LRFN5: variants seen among roughly 807,000 people sequenced by gnomAD.
The protein encoded by LRFN5 is leucine rich repeat and fibronectin type III domain containing 5.
A neutral mutation model predicts 45.6 loss-of-function variants in LRFN5; 24 were observed. The ratio of observed to expected loss-of-function variants is 0.53; its 90% CI spans 0.38 to 0.74. LRFN5 has a LOEUF of 0.74. Ranked by LOEUF, LRFN5 falls within the 30% of genes least tolerant of loss-of-function variation. The probability of loss-of-function intolerance (pLI) is 0.00; values close to 1 mark genes in which losing one functional copy is unlikely to be tolerated. For missense variants in LRFN5, 776 were observed against 861.5 expected, an observed-to-expected ratio of 0.90 and a Z score of 1.24; for synonymous variants, 340 against 313.8, an observed-to-expected ratio of 1.08 and a Z score of -0.88.
At position 41,887,069 on chromosome 14, in the gene LRFN5, C is replaced by T. The variant is rs766394946; in HGVS notation, c.444C>T (p.Ala148=). Residue 148 remains alanine (A), a synonymous_variant, in exon 3 of 6, where the codon GCC becomes GCT. Transcript: ENST00000298119. This position sits in a 1 kb window ranked among gnomAD's most constrained non-coding sequence, Gnocchi z 4.8. ...ISSTAFDDVF[A]LEELDLSYNN... is the part of the protein sequence containing the mutation. Reference sequence around the variant, plus strand: ...CTACAGCGTTTGATGATGTCTTCGCCCTTGAGGAGCTGGATCTGTCCTATA... The same window carrying T: ...CTACAGCGTTTGATGATGTCTTCGCTCTTGAGGAGCTGGATCTGTCCTATA... 2 of 1,613,996 alleles carry T rather than the reference C, an allele frequency of 1.2e-6. No individual in the cohort carries two copies. Among genetic ancestry groups the T allele is most frequent in the Admixed American group, 1.7e-5 (1 of 60,002 alleles).
intron 1 of LRFN5, among the ~76,000 whole-genome samples, chr14:41,619,042 G>T (rs1888021942): frequency 2.4e-4 from 1 of 4,138 alleles, no homozygotes; most frequent in Non-Finnish European, 4.2e-4. Flanking sequence ...TTCCTCTTGT[G>T]CTAGGAGTAA....
intron 1 of LRFN5, among the ~76,000 whole-genome samples, chr14:41,761,039 G>T (rs1424417114): frequency 6.6e-6 from 1 of 152,072 alleles, no homozygotes; most frequent in Non-Finnish European, 1.5e-5. Flanking sequence ...CAAAAATCAG[G>T]TCAAACAAAC....
At chr14:41,823,421 T>TA (rs1888191830) in intron 2 of LRFN5, among the ~76,000 whole-genome samples, 1 of 150,642 alleles carries the variant, frequency 6.6e-6, no homozygotes, top group Admixed American at 6.6e-5. Context: ...AATTCTTGGC[T>TA]TATCTATATC....
intron 1 of LRFN5, among the ~76,000 whole-genome samples, chr14:41,670,908 TTC>T (rs1361544867): frequency 2.0e-5 from 3 of 152,080 alleles, no homozygotes; most frequent in Non-Finnish European, 4.4e-5. Context: ...TTTTAAAAGC[TTC>T]TGTTTTATTA....
chr14:41,865,392 T>C (rs1210698837), intron 2 of LRFN5, among the ~76,000 whole-genome samples: 1 of 152,202 alleles, frequency 6.6e-6, no homozygotes, highest in African/African-American at 2.4e-5. Context: ...GTATTGCGTA[T>C]ATCAGTACTG....
intron 2 of LRFN5, among the ~76,000 whole-genome samples, chr14:41,772,068 G>T (rs1886110513): frequency 6.6e-6 from 1 of 152,182 alleles, no homozygotes; most frequent in Non-Finnish European, 1.5e-5. Flanking sequence ...ATGGCAGAAG[G>T]CAAAGCAGTA....
intron 1 of LRFN5, among the ~76,000 whole-genome samples, chr14:41,735,029 C>A (rs909353873): frequency 6.6e-6 from 1 of 151,952 alleles, no homozygotes; most frequent in Non-Finnish European, 1.5e-5. Context: ...ATAGTTCTTT[C>A]TTTAAACCAT....
At chr14:41,706,070 C>T (rs1163110704) in intron 1 of LRFN5, among the ~76,000 whole-genome samples, 2 of 152,054 alleles carry the variant, frequency 1.3e-5, no homozygotes, top group Non-Finnish European at 2.9e-5. Flanking sequence ...TTTACTACTA[C>T]AAACATGCTA....
At chr14:41,843,491 G>T (rs12432265) in intron 2 of LRFN5, among the ~76,000 whole-genome samples, 23,494 of 151,638 alleles carry the variant, frequency 0.15, 2,009 homozygotes, top group Non-Finnish European at 0.19. Flanking sequence ...TCATATCTTT[G>T]CCTACCCCTC....
chr14:41,720,763 A>AT (rs1423685165), intron 1 of LRFN5, among the ~76,000 whole-genome samples: 3 of 151,844 alleles, frequency 2.0e-5, no homozygotes, highest in South Asian at 2.1e-4. Flanking sequence ...TGTCATTTTG[A>AT]TTTTTTTTAA....
At position 41,887,980 on chromosome 14, in the gene LRFN5, A is replaced by G. The variant is rs751715373; in HGVS notation, c.1355A>G (p.Asn452Ser). Residue 452 changes from asparagine to serine, a missense_variant, in exon 3 of 6, where the codon AAT becomes AGT. By Grantham distance (46) the Asn-to-Ser change is conservative. This residue lies in a region of LRFN5 where 465 missense variants were observed against 456.4 expected (regional missense o/e 1.02). Coordinates refer to ENST00000298119, the MANE Select transcript of LRFN5 (RefSeq NM_152447.5). The surrounding 1 kb of genome is among the most constrained non-coding windows in gnomAD (Gnocchi z 4.8). ...PGIRMFQIQY[N>S]GTYDDTLVYR... ...ATACGTATGTTTCAAATCCAGTACA[A>G]TGGTACTTATGATGACACCCTTGTT... is the stretch of plus-strand genomic sequence containing the variant. 1 of 1,607,452 alleles carries G rather than the reference A, an allele frequency of 6.2e-7. No homozygotes were observed. Among genetic ancestry groups the G allele is most frequent in the Non-Finnish European group, 8.5e-7 (1 of 1,176,734 alleles).
intron 2 of LRFN5, among the ~76,000 whole-genome samples, chr14:41,784,605 A>G (rs1198430242): frequency 1.5e-5 from 2 of 137,730 alleles, no homozygotes; most frequent in Admixed American, 7.6e-5. Flanking sequence ...GTGTATTTTG[A>G]AGCCTGTGTG....
At chr14:41,771,101 G>A (rs190595608) in intron 2 of LRFN5, among the ~76,000 whole-genome samples, 9 of 151,834 alleles carry the variant, frequency 5.9e-5, no homozygotes, top group African/African-American at 1.7e-4. Flanking sequence ...TACATAGCTG[G>A]AGCAGCAAGT....
chr14:41,728,653 A>G (rs970567467), intron 1 of LRFN5, among the ~76,000 whole-genome samples: 2 of 152,162 alleles, frequency 1.3e-5, no homozygotes. Context: ...ATTCTTTATC[A>G]TTAAGAGAAT....
At chr14:41,713,254 A>G (rs1451686934) in intron 1 of LRFN5, among the ~76,000 whole-genome samples, 1 of 152,120 alleles carries the variant, frequency 6.6e-6, no homozygotes, top group African/African-American at 2.4e-5. Flanking sequence ...AGTAATTTCA[A>G]AGTAAATAAT....
chr14:41,649,627 T>G (rs938626270), intron 1 of LRFN5, among the ~76,000 whole-genome samples: 3 of 152,148 alleles, frequency 2.0e-5, no homozygotes, highest in Non-Finnish European at 4.4e-5. Flanking sequence ...ATCCTCAATA[T>G]CTGATCATCT....
intron 1 of LRFN5, among the ~76,000 whole-genome samples, chr14:41,648,997 G>A (rs139492191): frequency 3.3e-5 from 5 of 152,014 alleles, no homozygotes; most frequent in Admixed American, 6.6e-5. Flanking sequence ...GGCTGGGCGC[G>A]CTGGCTTGCG....
At chr14:41,820,934 A>C (rs1888092045) in intron 2 of LRFN5, among the ~76,000 whole-genome samples, 1 of 152,028 alleles carries the variant, frequency 6.6e-6, no homozygotes, top group Admixed American at 6.6e-5. Flanking sequence ...TGGTGTATAG[A>C]CATGCTACTG....
At chr14:41,614,568 G>A (rs1887869249) in intron 1 of LRFN5, among the ~76,000 whole-genome samples, 1 of 151,928 alleles carries the variant, frequency 6.6e-6, no homozygotes, top group Non-Finnish European at 1.5e-5. Context: ...GATGTTCTAC[G>A]CTTTGTAGTA....
Sources: allele counts gnomAD v4.1 joint callset (sites outside exome capture counted in the v4.1 genomes callset), GRCh38; gene constraint gnomAD v4.1.1; regional missense constraint gnomAD v4.1.1; non-coding constraint Gnocchi (gnomAD v3.1); transcripts MANE v1.5; gene names NCBI Gene and HGNC (gene_info 2026-07-23, HGNC 2026-07-21).